Variants in KCND3 observed in about 807,000 individuals in gnomAD.
KCND3 encodes potassium voltage-gated channel subfamily D member 3, also known as A-type voltage-gated potassium channel KCND3.
Under a neutral mutation model 51.1 loss-of-function variants are expected in KCND3, and 9 were observed. The ratio of observed to expected loss-of-function variants is 0.18; its 90% CI spans 0.11 to 0.31. The LOEUF (loss-of-function observed/expected upper bound fraction) is 0.31, where lower values mean the gene tolerates loss of function less well. Among genes scored for constraint, KCND3 ranks in the 10% least tolerant of loss-of-function variants. KCND3 has a pLI of 1.00. For synonymous variants in KCND3, 349 were observed against 368.0 expected (o/e 0.95, Z 0.59); for missense variants, 526 against 903.8 (o/e 0.58, Z 5.36).
chr1:111,844,521 G>A (rs1000255152), intron 2 of KCND3, among the ~76,000 whole-genome samples: 13 of 151,992 alleles, frequency 8.6e-5, no homozygotes, highest in African/African-American at 2.4e-4. Context: ...CAGGATCCAC[G>A]GGGACCACTC....
At chr1:111,781,281 A>G (rs1375029158) in intron 3 of KCND3, among the ~76,000 whole-genome samples, 4 of 152,188 alleles carry the variant, frequency 2.6e-5, no homozygotes, top group Non-Finnish European at 5.9e-5. Flanking sequence ...GTGCTCTTCA[A>G]TGCTTCTTAA....
intron 2 of KCND3, among the ~76,000 whole-genome samples, chr1:111,817,213 C>T (rs953023212): frequency 6.7e-6 from 1 of 148,834 alleles, no homozygotes; most frequent in Non-Finnish European, 1.5e-5. Context: ...AGTGGGGTAG[C>T]AAGAAAGTGC....
At chr1:111,943,858 T>C (rs1490700867) in intron 2 of KCND3, among the ~76,000 whole-genome samples, 2 of 152,058 alleles carry the variant, frequency 1.3e-5, no homozygotes, top group Non-Finnish European at 2.9e-5. Flanking sequence ...GGCCCAGGAG[T>C]GGCATGGCCA....
intron 2 of KCND3, among the ~76,000 whole-genome samples, chr1:111,941,879 C>G (rs1260867641): frequency 1.3e-5 from 2 of 152,196 alleles, no homozygotes; most frequent in East Asian, 1.9e-4. Flanking sequence ...GCGCAAGAGG[C>G]CCCATCAGTC....
At chr1:111,831,720 G>A (rs182677126) in intron 2 of KCND3, among the ~76,000 whole-genome samples, 248 of 152,214 alleles carry the variant, frequency 1.6e-3, no homozygotes, top group African/African-American at 5.6e-3. Context: ...GATCTATACT[G>A]AGCTGGCCCC....
chr1:111,828,144 G>A (rs1666661047), intron 2 of KCND3, among the ~76,000 whole-genome samples: 1 of 152,204 alleles, frequency 6.6e-6, no homozygotes, highest in Non-Finnish European at 1.5e-5. Context: ...TATCTGGAGT[G>A]GGAAGCAACT....
At chr1:111,891,173 G>A (rs1396735956) in intron 2 of KCND3, among the ~76,000 whole-genome samples, 2 of 152,146 alleles carry the variant, frequency 1.3e-5, no homozygotes, top group Non-Finnish European at 2.9e-5. Context: ...GTTGTTAGAA[G>A]GATAAAATCA....
chr1:111,980,213 T>C (rs1674870703), intron 2 of KCND3, among the ~76,000 whole-genome samples: 3 of 151,452 alleles, frequency 2.0e-5, no homozygotes, highest in Non-Finnish European at 3.0e-5. Context: ...AGTGTGTGTG[T>C]GTGTGTGTGT....
chr1:111,777,403 A>G, intron 6 of KCND3, 130 bp from the exon 7 acceptor site: 1 of 958,144 alleles, frequency 1.0e-6, no homozygotes, highest in Admixed American at 1.8e-5. Flanking sequence ...CCCGGATCAC[A>G]GATAAGCATT....
intron 2 of KCND3, among the ~76,000 whole-genome samples, chr1:111,837,769 G>GC (rs201601903): frequency 1.2e-4 from 18 of 152,092 alleles, no homozygotes; most frequent in Admixed American, 9.2e-4. Flanking sequence ...TAATTTAGAT[G>GC]CCCCCCCTCG....
rs911323692 is a variant in KCND3, at chr1:111,883,200, G to T, written c.1107-96094C>A. Among the ~76,000 whole-genome samples the T allele has an allele frequency of 2.6e-5, 4 of 152,336 alleles. No individual in the cohort carries two copies. The South Asian group carries it at 8.3e-4, about 32-fold the overall frequency. ...CGATTGTCCTCTAAGCACTTGCCAC[G>T]TGCCAGGCACTGAGCCAATGCTTTC... On this transcript the variant is annotated intron_variant, in intron 2 of 7. Transcript: ENST00000302127.
chr1:111,968,803 C>T (rs1446080409), intron 2 of KCND3, among the ~76,000 whole-genome samples: 1 of 152,122 alleles, frequency 6.6e-6, no homozygotes, highest in East Asian at 1.9e-4. Flanking sequence ...TGTGATCTCT[C>T]TAGTGGACTA....
intron 2 of KCND3, among the ~76,000 whole-genome samples, chr1:111,890,628 T>C (rs919234815): frequency 6.6e-6 from 1 of 151,888 alleles, no homozygotes; most frequent in Non-Finnish European, 1.5e-5. Flanking sequence ...TTTTTAAAGG[T>C]GGGAGACTAG....
At chr1:111,821,398 G>T (rs925371365) in intron 2 of KCND3, among the ~76,000 whole-genome samples, 2 of 152,160 alleles carry the variant, frequency 1.3e-5, no homozygotes, top group Admixed American at 6.5e-5. Flanking sequence ...CTTCTGATGT[G>T]AGTCAGCCAG....
In KCND3 at chr1:111,780,707, C is replaced by T. The variant is rs200532657; in HGVS notation, c.1354G>A (p.Glu452Lys). ...GCACCTACCGTCAGCTCCAGCGCCT[C>T]GTTGAGGAGCCCGTTGCGCTTGCTG... ...LHSKRNGLLNEALELTGTPEE... is the reference protein window; with the variant it reads ...LHSKRNGLLNKALELTGTPEE... The change falls in exon 4 of 8, where the codon GAG becomes AAG. Residue 452 changes from glutamate (E) to lysine (K), a missense_variant. Glu to Lys is a moderately conservative substitution (Grantham distance 56). This residue lies in a region of KCND3 where 266 missense variants were observed against 305.5 expected (regional missense o/e 0.87). Coordinates refer to ENST00000302127, the MANE Select transcript of KCND3 (RefSeq NM_001378969.1). This position sits in a 1 kb window ranked among gnomAD's most constrained non-coding sequence, Gnocchi z 4.2. 1.2e-4 allele frequency: 192 copies of T among 1,611,008 alleles called. 1 individual carries two copies. In the Admixed American group the frequency reaches 2.8e-3, roughly 24 times the overall value.
chr1:111,966,039 C>T (rs545110495), intron 2 of KCND3, among the ~76,000 whole-genome samples: 1 of 152,146 alleles, frequency 6.6e-6, no homozygotes, highest in Non-Finnish European at 1.5e-5. Flanking sequence ...AAGACTCACT[C>T]ACCTGGCTCA....
At chr1:111,973,633 A>G (rs1293980688) in intron 2 of KCND3, among the ~76,000 whole-genome samples, 1 of 152,226 alleles carries the variant, frequency 6.6e-6, no homozygotes, top group African/African-American at 2.4e-5. Flanking sequence ...AAGCAAACAA[A>G]TATCACATGT....
At chr1:111,778,354 G>A in intron 6 of KCND3, 82 bp downstream of exon 6, 1 of 1,314,758 alleles carries the variant, frequency 7.6e-7, no homozygotes, top group Non-Finnish European at 1.1e-6. Context: ...ACAGAACCAG[G>A]CCGGGGGGTA....
chr1:111,833,593 G>A, intron 2 of KCND3, among the ~76,000 whole-genome samples: 1 of 152,232 alleles, frequency 6.6e-6, no homozygotes, highest in East Asian at 1.9e-4. Flanking sequence ...GAGGAAAAGA[G>A]AACAAATTAA....
Sources: gnomAD v4.1 joint callset for allele counts (sites outside exome capture counted in the v4.1 genomes callset) on GRCh38, gnomAD v4.1.1 for gene constraint, gnomAD v4.1.1 regional missense constraint, Gnocchi (gnomAD v3.1) non-coding constraint, MANE v1.5 for transcripts, NCBI Gene and HGNC (gene_info 2026-07-23, HGNC 2026-07-21) for gene names.